Variants in AGAP3 observed in about 807,000 individuals in gnomAD.
AGAP3 encodes the protein arf-GAP with GTPase, ANK repeat and PH domain-containing protein 3.
Under a neutral mutation model 96.9 loss-of-function variants are expected in AGAP3, and 24 were observed. The observed-to-expected ratio is 0.25, with a 90% CI of 0.18 to 0.35. The LOEUF is 0.35. AGAP3 is among the 10% of genes least tolerant of loss of function. The pLI is 1.00. For synonymous variants in AGAP3, 563 were observed against 536.1 expected, an observed-to-expected ratio of 1.05 and a Z score of -0.69; for missense variants, 876 against 1,254.2, an observed-to-expected ratio of 0.70 and a Z score of 4.55.
chr7:151,116,022 C>T (rs548329791), intron 1 of AGAP3, among the ~76,000 whole-genome samples: 2 of 152,318 alleles, frequency 1.3e-5, no homozygotes, highest in African/African-American at 2.4e-5. Context: ...GACAGTGCCT[C>T]TGGGAGCCAG....
Position 151,117,726 on chromosome 7 carries a change from T to G in AGAP3, c.655T>G (p.Cys219Gly). Reference sequence around the variant, plus strand: ...GGTGTACAACTACTTCCTGCGTCTCTGCAGCTTCCGCAACGCCAGCGAGGT... The same window carrying G: ...GGTGTACAACTACTTCCTGCGTCTCGGCAGCTTCCGCAACGCCAGCGAGGT... ...QTVYNYFLRL[C>G]SFRNASEVPM... The change falls in exon 5 of 18, where the codon TGC becomes GGC. Residue 219 changes from cysteine (C) to glycine (G), a missense_variant. Cys to Gly is a radical substitution (Grantham distance 159). Around this residue, in one of 8 missense-constraint regions of AGAP3, gnomAD observed 131 missense variants for 304.5 expected, o/e 0.43. Transcript: ENST00000397238. The G allele has an allele frequency of 6.2e-7, 1 of 1,614,192 alleles. No individual in the cohort carries two copies. Among genetic ancestry groups the G allele is most frequent in the Non-Finnish European group, 8.5e-7 (1 of 1,180,014 alleles).
intron 10 of AGAP3, among the ~76,000 whole-genome samples, chr7:151,132,767 C>T (rs1324597975): frequency 2.0e-5 from 3 of 152,210 alleles, no homozygotes; most frequent in East Asian, 1.9e-4. Context: ...TAGCTGGTAA[C>T]CTCCTCACCT....
At chr7:151,094,164 A>G (rs552925592) in intron 1 of AGAP3, among the ~76,000 whole-genome samples, 90 of 152,298 alleles carry the variant, frequency 5.9e-4, no homozygotes, top group Non-Finnish European at 1.1e-3. Context: ...GAGACCCCCA[A>G]CGCGGTGTGC....
rs1799700424 is a variant in AGAP3 at position 151,118,399 on chromosome 7, T to TAGGAAGGCTCCCAGTGAG, written c.841+58_841+75dup. The TAGGAAGGCTCCCAGTGAG allele has an allele frequency of 1.3e-6, 2 of 1,595,566 alleles. No individual in the cohort carries two copies. The highest frequency in any genetic ancestry group is 8.6e-7 in the Non-Finnish European group (1 of 1,166,252). ...GCAGCCGCGGCCCCAGTGCTGGCGA[T>TAGGAAGGCTCCCAGTGAG]AGGAAGGCTCCCAGTGAGAGCAAGG... On this transcript the variant is annotated intron_variant, in intron 6 of 17. Transcript: ENST00000397238. The surrounding 1 kb of genome is among the most constrained non-coding windows in gnomAD (Gnocchi z 6.1).
At chr7:151,120,506 C>G in intron 8 of AGAP3, 1 of 737,850 alleles carries the variant, frequency 1.4e-6, no homozygotes, top group Non-Finnish European at 2.2e-6. Context: ...CCCTGACCCC[C>G]TTTGATTCAA....
chr7:151,086,786 G>C lies in AGAP3; in HGVS notation c.45G>C (p.Gln15His), dbSNP rs1798166149. ...GGGGGCAGAGCCCGCAGCAGCAGCA[G>C]AGCCTGGCGGCTCCGGGGGGCGGCG... ...AGGGQSPQQQ[Q>H]SLAAPGGGGA... The change falls in exon 1 of 18, where the codon CAG becomes CAC. Residue 15 changes from glutamine to histidine, a missense_variant. Transcript: ENST00000397238. 1.1e-6 allele frequency: 1 copy of C among 928,004 alleles called. No individual in the cohort carries two copies. Among genetic ancestry groups the C allele is most frequent in the African/African-American group, 2.1e-5 (1 of 47,042 alleles). 57.5% of individuals were successfully genotyped at this position (928,004 alleles called of 1,614,324 possible). A position where few individuals can be genotyped will look rare whatever the true frequency, so the allele number is the denominator to read the frequency against.
chr7:151,137,156 G>GC (rs1433944916), intron 11 of AGAP3, among the ~76,000 whole-genome samples: 1 of 152,218 alleles, frequency 6.6e-6, no homozygotes, highest in Non-Finnish European at 1.5e-5. Flanking sequence ...CCGTCTCCCC[G>GC]CAGGCTTCCC....
intron 1 of AGAP3, among the ~76,000 whole-genome samples, chr7:151,097,722 G>A (rs1051575672): frequency 3.9e-5 from 6 of 151,904 alleles, no homozygotes; most frequent in African/African-American, 1.5e-4. Flanking sequence ...TTCAACAGCC[G>A]CAGTGGGGAC....
At chr7:151,102,578 A>G (rs1300139858) in intron 1 of AGAP3, among the ~76,000 whole-genome samples, 1 of 147,532 alleles carries the variant, frequency 6.8e-6, no homozygotes, top group East Asian at 2.0e-4. Flanking sequence ...CCTAGGCAAC[A>G]TAGTGATACC....
chr7:151,135,940 A>G (rs1167605378), intron 11 of AGAP3, among the ~76,000 whole-genome samples: 1 of 152,130 alleles, frequency 6.6e-6, no homozygotes, highest in African/African-American at 2.4e-5. Context: ...TGAGCTCAGA[A>G]AGGAAGCCTG....
intron 1 of AGAP3, among the ~76,000 whole-genome samples, chr7:151,089,315 G>T (rs566973566): frequency 1.4e-3 from 219 of 152,294 alleles, no homozygotes; most frequent in African/African-American, 4.9e-3. Context: ...CTCCCTGGGC[G>T]TTTCCGAGCA....
Position 151,138,401 on chromosome 7 carries a change from G to C in AGAP3, c.1666+88G>C, listed in dbSNP as rs954702369. On this transcript the variant is annotated intron_variant, in intron 12 of 17. Coordinates refer to ENST00000397238, the MANE Select transcript of AGAP3 (RefSeq NM_031946.7). ...CTGGGCAGCATTCTTGGCTTGGGAG[G>C]CTGCAGTGGGACAGTGTCCAGGCCA... The C allele has an allele frequency of 3.0e-5, 42 of 1,423,294 alleles. No individual in the cohort carries two copies. In the African/African-American group the frequency reaches 4.5e-4, roughly 15 times the overall value. The allele number at this position is 1,423,294 out of a possible 1,614,324, so 88.2% of individuals were successfully genotyped here. A position where few individuals can be genotyped will look rare whatever the true frequency, so the allele number is the denominator to read the frequency against.
intron 1 of AGAP3, chr7:151,090,544 T>C (rs1481960464): frequency 6.6e-6 from 1 of 152,290 alleles, no homozygotes; most frequent in Non-Finnish European, 1.5e-5. Flanking sequence ...CTAAAGGGAC[T>C]AAGGTAAAGA....
intron 8 of AGAP3, 183 bp from the exon 9 acceptor site, chr7:151,123,611 T>A: frequency 6.9e-7 from 1 of 1,444,306 alleles, no homozygotes; most frequent in South Asian, 1.4e-5. Context: ...TATGGTGCCG[T>A]GTGTAAGAAT....
At chr7:151,125,078 C>A (rs1049990488) in intron 9 of AGAP3, among the ~76,000 whole-genome samples, 4 of 152,188 alleles carry the variant, frequency 2.6e-5, no homozygotes, top group Non-Finnish European at 4.4e-5. Context: ...CCTGCACAAA[C>A]CTGTTGCTCA....
At chr7:151,116,664 G>A (rs1040061813) in intron 1 of AGAP3, 129 bp from the exon 2 acceptor site, 96 of 972,574 alleles carry the variant, frequency 9.9e-5, no homozygotes, top group Non-Finnish European at 6.2e-5. Flanking sequence ...AGGGTTGGGG[G>A]TCCCGTGGAG....
intron 8 of AGAP3, chr7:151,123,097 CGCCCG>C (rs978802364): frequency 3.3e-5 from 38 of 1,159,596 alleles, no homozygotes; most frequent in Middle Eastern, 7.3e-4. Context: ...AGTCCAAGCC[CGCCCG>C]GCCCGGCTGC....
rs116732758 is a variant in AGAP3, at chr7:151,129,383, C to T, written c.1326+699C>T. 1.6e-3 allele frequency among the ~76,000 whole-genome samples: 249 copies of T among 152,256 alleles called. 3 individuals carry two copies. Among genetic ancestry groups the T allele is most frequent in the African/African-American group, 5.6e-3 (231 of 41,558 alleles). On this transcript the variant is annotated intron_variant, in intron 10 of 17. Coordinates refer to ENST00000397238, the MANE Select transcript of AGAP3 (RefSeq NM_031946.7). ...GAAGCTCTGGGCCTGCCTCTGAATC[C>T]GCCCAAGGTGTCAGGAAGGCCTGAC...
Position 151,144,143 on chromosome 7 carries a change from A to T in AGAP3, c.*200A>T. 3 of 646,726 alleles carry T rather than the reference A, an allele frequency of 4.6e-6. No homozygotes were observed. The highest frequency in any genetic ancestry group is 7.9e-6 in the Non-Finnish European group (3 of 380,474). 40.1% of individuals were successfully genotyped at this position (646,726 alleles called of 1,614,324 possible). A position where few individuals can be genotyped will look rare whatever the true frequency, so the allele number is the denominator to read the frequency against. On this transcript the variant is annotated 3_prime_UTR_variant, in exon 18 of 18. Transcript: ENST00000397238. ...TGCAGCAGAGAGGGATGAGGGATTT[A>T]GCCCTCTGCCCTAAGGTGCCATTGA... is the stretch of plus-strand genomic sequence containing the variant.
Sources: allele counts gnomAD v4.1 joint callset (sites outside exome capture counted in the v4.1 genomes callset), GRCh38; gene constraint gnomAD v4.1.1; regional missense constraint gnomAD v4.1.1; non-coding constraint Gnocchi (gnomAD v3.1); transcripts MANE v1.5; gene names NCBI Gene and HGNC (gene_info 2026-07-23, HGNC 2026-07-21).